Variants in GABRA5 observed in about 807,000 individuals in gnomAD.
GABRA5 encodes gamma-aminobutyric acid type A receptor subunit alpha5.
A neutral mutation model predicts 47.3 loss-of-function variants in GABRA5; 18 were observed. That is an observed-to-expected ratio of 0.38 (90% CI 0.26 to 0.56). The LOEUF is 0.56. Ranked by LOEUF, GABRA5 falls within the 20% of genes least tolerant of loss-of-function variation. The pLI is 0.71. For missense variants in GABRA5, 365 were observed against 599.3 expected (o/e 0.61, Z 4.08); for synonymous variants, 237 against 229.3 (o/e 1.03, Z -0.30).
intron 7 of GABRA5, 73 bp from the exon 8 acceptor site, chr15:26,937,112 G>A: frequency 6.4e-7 from 1 of 1,557,382 alleles, no homozygotes; most frequent in East Asian, 2.2e-5. Flanking sequence ...TGCTACTTTA[G>A]TAAAAGCTTC....
intron 6 of GABRA5, among the ~76,000 whole-genome samples, chr15:26,891,830 C>T (rs974846999): frequency 5.9e-5 from 9 of 152,220 alleles, no homozygotes; most frequent in Admixed American, 2.6e-4. Flanking sequence ...CATCCCTCCC[C>T]TCCCGGCCAG....
chr15:26,879,615 A>G (rs1178118602), intron 3 of GABRA5, among the ~76,000 whole-genome samples: 2 of 152,188 alleles, frequency 1.3e-5, no homozygotes, highest in African/African-American at 4.8e-5. Flanking sequence ...ATTCTATTCA[A>G]AAGGGAATAG....
chr15:26,937,620 C>G (rs960708317), intron 8 of GABRA5, among the ~76,000 whole-genome samples: 1 of 152,212 alleles, frequency 6.6e-6, no homozygotes, highest in African/African-American at 2.4e-5. Context: ...GAAAGGTAGA[C>G]AGCTTCCTAC....
chr15:26,901,967 G>A (rs1396888890), intron 6 of GABRA5, among the ~76,000 whole-genome samples: 3 of 151,572 alleles, frequency 2.0e-5, no homozygotes, highest in Non-Finnish European at 4.4e-5. Flanking sequence ...TGTATTTTTG[G>A]GTGGCTATTT....
At chr15:26,893,373 GGCGGGAC>G (rs1893075845) in intron 6 of GABRA5, among the ~76,000 whole-genome samples, 39 of 3,178 alleles carry the variant, frequency 0.012, no homozygotes, top group Non-Finnish European at 0.015. Context: ...TGTAGCGTGT[GGCGGGAC>G]TATATGGAGT....
chr15:26,930,482 G>A (rs1210923222), intron 7 of GABRA5, among the ~76,000 whole-genome samples: 1 of 152,054 alleles, frequency 6.6e-6, no homozygotes, highest in Non-Finnish European at 1.5e-5. Context: ...ACTATAACAC[G>A]AACATGGTTC....
rs531642378 is a variant in GABRA5 at position 26,936,269 on chromosome 15, C to T, written c.581-916C>T. Among the ~76,000 whole-genome samples, 15 of 152,286 alleles carry T rather than the reference C, an allele frequency of 9.8e-5. No homozygotes were observed. In the East Asian group the frequency reaches 1.5e-3, roughly 16 times the overall value. On this transcript the variant is annotated intron_variant, in intron 7 of 10. Coordinates refer to ENST00000335625, the MANE Select transcript of GABRA5 (RefSeq NM_000810.4). ...GTATTTCTTCATAGCAGCGTGAGAA[C>T]GGACTAATACAGTCCCTGACTCCCA...
rs1040428314 is a variant in GABRA5, at chr15:26,892,440, G to T, written c.497+8883G>T. Among the ~76,000 whole-genome samples, 70 of 151,440 alleles carry T rather than the reference G, an allele frequency of 4.6e-4. 1 individual carries two copies. The highest frequency in any genetic ancestry group is 4.5e-3 in the Admixed American group (68 of 15,280). On this transcript the variant is annotated intron_variant, in intron 6 of 10. Transcript: ENST00000335625. ...GCCCCGGGGGCCCAGCAGTGGGGGG[G>T]CTGCCTTCCCCGGCCGCGCGCACAT...
chr15:26,922,188 T>C lies in GABRA5; in HGVS notation c.580+7303T>C, dbSNP rs931545861. 3.5e-4 allele frequency among the ~76,000 whole-genome samples: 54 copies of C among 152,212 alleles called. 1 individual carries two copies. The highest frequency in any genetic ancestry group is 2.0e-4 in the Admixed American group (3 of 15,284). ...GGATCAGTTGTTAATAAAGGGGCAC[T>C]GAAATCTTCAGCTATAATTGTCTAT... On this transcript the variant is annotated intron_variant, in intron 7 of 10. Coordinates refer to ENST00000335625, the MANE Select transcript of GABRA5 (RefSeq NM_000810.4).
intron 6 of GABRA5, among the ~76,000 whole-genome samples, chr15:26,890,048 A>G (rs1385892489): frequency 6.6e-6 from 1 of 152,232 alleles, no homozygotes; most frequent in Non-Finnish European, 1.5e-5. Flanking sequence ...AAACTTTGTG[A>G]TATAGCACAT....
intron 6 of GABRA5, among the ~76,000 whole-genome samples, chr15:26,903,003 G>C (rs1312302466): frequency 1.3e-5 from 2 of 152,032 alleles, no homozygotes. Context: ...GTGCAGATTT[G>C]TTATATAGAT....
At chr15:26,906,428 GT>G (rs1893445710) in intron 6 of GABRA5, among the ~76,000 whole-genome samples, 1 of 152,144 alleles carries the variant, frequency 6.6e-6, no homozygotes, top group South Asian at 2.1e-4. Flanking sequence ...CTTGTGTGGA[GT>G]TTGAAGGTCA....
chr15:26,934,393 T>C (rs906124638), intron 7 of GABRA5, among the ~76,000 whole-genome samples: 4 of 152,164 alleles, frequency 2.6e-5, no homozygotes, highest in Admixed American at 2.6e-4. Context: ...CTAATCTGCA[T>C]TGTCACAAGC....
chr15:26,943,562 C>G lies in GABRA5; in HGVS notation c.1089+136C>G. 8 of 773,470 alleles carry G rather than the reference C, an allele frequency of 1.0e-5. No homozygotes were observed. The South Asian group carries it at 1.4e-4, about 13-fold the overall frequency. The allele number at this position is 773,470 out of a possible 1,614,324, so 47.9% of individuals were successfully genotyped here. A position where few individuals can be genotyped will look rare whatever the true frequency, so the allele number is the denominator to read the frequency against. On this transcript the variant is annotated intron_variant, in intron 10 of 10. Transcript: ENST00000335625. Reference sequence around the variant, plus strand: ...AATGCTCCTTTCCTCATATTCAAGGCCCTTACCAAGTCTTACTGACAACAG... The same window carrying G: ...AATGCTCCTTTCCTCATATTCAAGGGCCTTACCAAGTCTTACTGACAACAG...
At chr15:26,904,267 G>T (rs149790252) in intron 6 of GABRA5, among the ~76,000 whole-genome samples, 24 of 152,164 alleles carry the variant, frequency 1.6e-4, no homozygotes, top group Non-Finnish European at 3.2e-4. Flanking sequence ...AAAATCAGAT[G>T]GTTGTAGGTG....
At position 26,943,405 on chromosome 15, in the gene GABRA5, C is replaced by T. The variant is rs1894434196; in HGVS notation, c.1068C>T (p.Ala356=). The part of the protein sequence containing the change: ...KRGWAWDGKK[A]LEAAKIKKKR... ...GCTGGGCCTGGGATGGCAAAAAAGC[C>T]TTGGAAGCAGCCAAGATCAAGGTAC... The change falls in exon 10 of 11, where the codon GCC becomes GCT. Residue 356 remains alanine, a synonymous_variant. Transcript: ENST00000335625. 6.3e-7 allele frequency: 1 copy of T among 1,593,582 alleles called. No individual in the cohort carries two copies. Among genetic ancestry groups the T allele is most frequent in the Non-Finnish European group, 8.5e-7 (1 of 1,169,936 alleles).
chr15:26,901,102 T>C (rs1246493676), intron 6 of GABRA5, among the ~76,000 whole-genome samples: 1 of 152,204 alleles, frequency 6.6e-6, no homozygotes, highest in East Asian at 1.9e-4. Context: ...TTGGTAGTTA[T>C]GAATAAGGCT....
intron 7 of GABRA5, among the ~76,000 whole-genome samples, chr15:26,935,743 G>T (rs908306122): frequency 6.6e-6 from 1 of 152,152 alleles, no homozygotes; most frequent in African/African-American, 2.4e-5. Flanking sequence ...ACCTCTACAA[G>T]TCCCAGAGGA....
At chr15:26,910,133 G>A (rs1189933877) in intron 6 of GABRA5, among the ~76,000 whole-genome samples, 1 of 151,640 alleles carries the variant, frequency 6.6e-6, no homozygotes, top group Non-Finnish European at 1.5e-5. Flanking sequence ...TTTTACAAAG[G>A]TCACACAATT....
Sources: allele counts gnomAD v4.1 joint callset (sites outside exome capture counted in the v4.1 genomes callset), GRCh38; gene constraint gnomAD v4.1.1; transcripts MANE v1.5; gene names NCBI Gene and HGNC (gene_info 2026-07-23, HGNC 2026-07-21).